Variants in RASSF5 observed in about 807,000 individuals in gnomAD.
The protein encoded by RASSF5 is ras association domain-containing protein 5.
RASSF5 carries 25 observed loss-of-function variants against 40.5 expected under a neutral mutation model. The observed-to-expected ratio is 0.62, with a 90% CI of 0.45 to 0.86. The LOEUF is 0.86. RASSF5 is among the 40% of genes least tolerant of loss of function. The probability of loss-of-function intolerance (pLI) is 0.00; values close to 1 mark genes in which losing one functional copy is unlikely to be tolerated. For missense variants in RASSF5, 521 were observed against 572.8 expected (o/e 0.91, Z 0.92); for synonymous variants, 246 against 252.4 (o/e 0.97, Z 0.24).
intron 1 of RASSF5, chr1:206,529,315 G>C: frequency 1.3e-6 from 1 of 796,006 alleles, no homozygotes; most frequent in Non-Finnish European, 2.2e-6. Context: ...CCTGTCCTTC[G>C]AGCAGGAGTT....
In RASSF5 at chr1:206,584,725, A is replaced by G. The variant is rs1162471364; in HGVS notation, c.988+41A>G. On this transcript the variant is annotated intron_variant, in intron 4 of 5. Transcript: ENST00000579436. This position sits in a 1 kb window ranked among gnomAD's most constrained non-coding sequence, Gnocchi z 4.9. Reference sequence around the variant, plus strand: ...AACCCAACCAGACCGTTCCCTTCCTACCTGTGTCCAAGCCCACCCACTAAA... The same window carrying G: ...AACCCAACCAGACCGTTCCCTTCCTGCCTGTGTCCAAGCCCACCCACTAAA... The G allele has an allele frequency of 5.0e-6, 8 of 1,608,030 alleles. No individual in the cohort carries two copies. Among genetic ancestry groups the G allele is most frequent in the Non-Finnish European group, 6.8e-6 (8 of 1,176,230 alleles).
At chr1:206,517,370 T>C (rs1270280232) in intron 1 of RASSF5, among the ~76,000 whole-genome samples, 1 of 151,806 alleles carries the variant, frequency 6.6e-6, no homozygotes, top group Non-Finnish European at 1.5e-5. Flanking sequence ...AGCTACATGC[T>C]GGGGGGTGGG....
chr1:206,548,313 A>G (rs1316868359), intron 2 of RASSF5, among the ~76,000 whole-genome samples: 1 of 152,214 alleles, frequency 6.6e-6, no homozygotes, highest in African/African-American at 2.4e-5. Flanking sequence ...GCTTCTGATC[A>G]GGACCTCAGG....
At chr1:206,565,621 A>T (rs1668268429) in intron 2 of RASSF5, among the ~76,000 whole-genome samples, 1 of 152,192 alleles carries the variant, frequency 6.6e-6, no homozygotes, top group Admixed American at 6.5e-5. Flanking sequence ...CCCATCCATG[A>T]AGTGTTTGGA....
Position 206,507,539 on chromosome 1 carries a change from G to T in RASSF5, c.-64G>T. ...GTGTGGGGCGGCCCCTTCTCTCGGGGCTGGCTCGGGAGTAGCGCAGTCGCC... is the reference window on the plus strand; with the variant it reads ...GTGTGGGGCGGCCCCTTCTCTCGGGTCTGGCTCGGGAGTAGCGCAGTCGCC... On this transcript the variant is annotated 5_prime_UTR_variant, in exon 1 of 6. Coordinates refer to ENST00000579436, the MANE Select transcript of RASSF5 (RefSeq NM_182663.4). 1 of 1,290,278 alleles carries T rather than the reference G, an allele frequency of 7.8e-7. No individual in the cohort carries two copies. Among genetic ancestry groups the T allele is most frequent in the East Asian group, 3.1e-5 (1 of 32,114 alleles). The allele number at this position is 1,290,278 out of a possible 1,614,324, so 79.9% of individuals were successfully genotyped here. A position where few individuals can be genotyped will look rare whatever the true frequency, so the allele number is the denominator to read the frequency against.
chr1:206,538,041 C>A, intron 1 of RASSF5, 131 bp from the exon 2 acceptor site: 2 of 1,305,180 alleles, frequency 1.5e-6, no homozygotes, highest in Non-Finnish European at 2.2e-6. Context: ...CGCTGTCTCC[C>A]GCCCCACCAC....
At chr1:206,526,134 G>C (rs371026480) in intron 1 of RASSF5, among the ~76,000 whole-genome samples, 2 of 152,166 alleles carry the variant, frequency 1.3e-5, no homozygotes, top group African/African-American at 4.8e-5. Context: ...TCACAGAGAC[G>C]ACAGCCCCTG....
intron 1 of RASSF5, among the ~76,000 whole-genome samples, chr1:206,517,805 C>G (rs773773851): frequency 6.6e-6 from 1 of 152,200 alleles, no homozygotes; most frequent in African/African-American, 2.4e-5. Context: ...AGGGTCACAT[C>G]CGCTTCTGCT....
At chr1:206,521,424 T>C (rs1454281801) in intron 1 of RASSF5, among the ~76,000 whole-genome samples, 1 of 152,228 alleles carries the variant, frequency 6.6e-6, no homozygotes, top group Non-Finnish European at 1.5e-5. Context: ...GGTTGTCCCA[T>C]GATAGACTGA....
chr1:206,551,146 T>C (rs985310181), intron 2 of RASSF5, among the ~76,000 whole-genome samples: 16 of 152,206 alleles, frequency 1.1e-4, no homozygotes, highest in African/African-American at 3.9e-4. Flanking sequence ...ATCTAATCTT[T>C]CCTGGTAGAT....
In RASSF5 at chr1:206,579,232, G is replaced by T. The variant is rs958767532; in HGVS notation, c.580-4037G>T. Reference sequence around the variant, plus strand: ...TGCCACCAATGCCAGGGGCTTAATCGGAATAGATGAATTCCATGCCAGATG... The same window carrying T: ...TGCCACCAATGCCAGGGGCTTAATCTGAATAGATGAATTCCATGCCAGATG... On this transcript the variant is annotated intron_variant, in intron 2 of 5. Coordinates refer to ENST00000579436, the MANE Select transcript of RASSF5 (RefSeq NM_182663.4). This position sits in a 1 kb window ranked among gnomAD's most constrained non-coding sequence, Gnocchi z 4.2. Among the ~76,000 whole-genome samples, 1 of 152,188 alleles carries T rather than the reference G, an allele frequency of 6.6e-6. No homozygotes were observed. The highest frequency in any genetic ancestry group is 1.5e-5 in the Non-Finnish European group (1 of 68,028).
chr1:206,527,054 G>T (rs1250025817), intron 1 of RASSF5, among the ~76,000 whole-genome samples: 1 of 152,166 alleles, frequency 6.6e-6, no homozygotes, highest in Non-Finnish European at 1.5e-5. Flanking sequence ...TAATTGTCCA[G>T]GTTTCTCATA....
In RASSF5 at chr1:206,531,348, G is replaced by A. The variant is rs1667231392; in HGVS notation, c.458-6824G>A. ...GTCGCATTCAGGAACTGTGGCCGAG[G>A]AGATCCGGAGCAGGCGGTGAGGTTG... On this transcript the variant is annotated intron_variant, in intron 1 of 5. Coordinates refer to ENST00000579436, the MANE Select transcript of RASSF5 (RefSeq NM_182663.4). The surrounding 1 kb of genome is among the most constrained non-coding windows in gnomAD (Gnocchi z 4.7). 6.6e-6 allele frequency among the ~76,000 whole-genome samples: 1 copy of A among 152,260 alleles called. No individual in the cohort carries two copies. Among genetic ancestry groups the A allele is most frequent in the Admixed American group, 6.5e-5 (1 of 15,292 alleles).
At chr1:206,574,517 G>C (rs1318626156) in intron 2 of RASSF5, among the ~76,000 whole-genome samples, 1 of 152,218 alleles carries the variant, frequency 6.6e-6, no homozygotes, top group East Asian at 1.9e-4. Flanking sequence ...ACCTCCACCC[G>C]CCACCTCTTT....
intron 1 of RASSF5, among the ~76,000 whole-genome samples, chr1:206,509,286 C>T (rs926450522): frequency 1.2e-4 from 19 of 152,302 alleles, no homozygotes; most frequent in African/African-American, 1.2e-4. Context: ...ATGTGCTGCC[C>T]GCTGCAGCTG....
intron 2 of RASSF5, among the ~76,000 whole-genome samples, chr1:206,582,620 G>C (rs1553406616): frequency 6.6e-6 from 1 of 152,186 alleles, no homozygotes; most frequent in African/African-American, 2.4e-5. Flanking sequence ...GGTAGAGGGG[G>C]CTACAGCCCT....
intron 1 of RASSF5, among the ~76,000 whole-genome samples, chr1:206,523,330 A>G (rs1433289442): frequency 7.5e-6 from 1 of 133,284 alleles, no homozygotes; most frequent in Non-Finnish European, 1.5e-5. Flanking sequence ...ATACATATAA[A>G]ATATATTTAT....
In RASSF5 at chr1:206,584,778, T is replaced by C. The variant is rs1026822249; in HGVS notation, c.988+94T>C. The C allele has an allele frequency of 4.3e-6, 6 of 1,382,790 alleles. No homozygotes were observed. In the Admixed American group the frequency reaches 7.9e-5, roughly 18 times the overall value. 85.7% of individuals were successfully genotyped at this position (1,382,790 alleles called of 1,614,324 possible). A position where few individuals can be genotyped will look rare whatever the true frequency, so the allele number is the denominator to read the frequency against. On this transcript the variant is annotated intron_variant, in intron 4 of 5. Transcript: ENST00000579436. This position sits in a 1 kb window ranked among gnomAD's most constrained non-coding sequence, Gnocchi z 4.9. The stretch of plus-strand genomic sequence containing the variant: ...TCCTGCCGGCCTTGGGTGGGAGCTG[T>C]GGGCTTCTCCTGAGCACCAGGGGTC...
intron 1 of RASSF5, among the ~76,000 whole-genome samples, chr1:206,514,156 C>T (rs1386936763): frequency 6.6e-6 from 1 of 152,198 alleles, no homozygotes; most frequent in African/African-American, 2.4e-5. Context: ...GTTTGATTCT[C>T]TTTTTTTACC....
Sources: allele counts gnomAD v4.1 joint callset (sites outside exome capture counted in the v4.1 genomes callset), GRCh38; gene constraint gnomAD v4.1.1; non-coding constraint Gnocchi (gnomAD v3.1); transcripts MANE v1.5; gene names NCBI Gene and HGNC (gene_info 2026-07-23, HGNC 2026-07-21).